The following ADCYAP1R1 variants were observed in gnomAD, a reference collection of about 807,000 sequenced individuals.
ADCYAP1R1 encodes the protein pituitary adenylate cyclase-activating polypeptide type I receptor.
A neutral mutation model predicts 67.6 loss-of-function variants in ADCYAP1R1; 44 were observed. The observed-to-expected ratio is 0.65, with a 90% CI of 0.51 to 0.84. The LOEUF (loss-of-function observed/expected upper bound fraction) is 0.84, where lower values mean the gene tolerates loss of function less well. Ranked by LOEUF, ADCYAP1R1 falls within the 40% of genes least tolerant of loss-of-function variation. The probability of loss-of-function intolerance (pLI) is 0.00; values close to 1 mark genes in which losing one functional copy is unlikely to be tolerated. For missense variants in ADCYAP1R1, 477 were observed against 587.9 expected (o/e 0.81, Z 1.95); for synonymous variants, 222 against 219.6 (o/e 1.01, Z -0.10).
chr7:31,100,708 A>G (rs904669528), intron 13 of ADCYAP1R1, among the ~76,000 whole-genome samples: 2 of 152,152 alleles, frequency 1.3e-5, no homozygotes, highest in Non-Finnish European at 2.9e-5. Context: ...CCATTTTACA[A>G]ATGAGAAAAC....
At chr7:31,065,447 G>A (rs968275702) in intron 3 of ADCYAP1R1, among the ~76,000 whole-genome samples, 1 of 152,160 alleles carries the variant, frequency 6.6e-6, no homozygotes, top group Non-Finnish European at 1.5e-5. Context: ...CCTTTGAGGA[G>A]GGTCCTGCTT....
chr7:31,069,840 T>C (rs1794900940), intron 3 of ADCYAP1R1, among the ~76,000 whole-genome samples: 2 of 152,188 alleles, frequency 1.3e-5, no homozygotes, highest in Admixed American at 6.5e-5. Flanking sequence ...GAAAGCAAGC[T>C]TGGAGCCTGC....
At chr7:31,098,243 A>G (rs1796287206) in intron 13 of ADCYAP1R1, among the ~76,000 whole-genome samples, 2 of 152,226 alleles carry the variant, frequency 1.3e-5, no homozygotes, top group Admixed American at 1.3e-4. Flanking sequence ...AATAAATTTG[A>G]AGAATAGAAT....
intron 1 of ADCYAP1R1, among the ~76,000 whole-genome samples, chr7:31,053,079 G>A (rs907503936): frequency 6.6e-6 from 1 of 152,172 alleles, no homozygotes; most frequent in African/African-American, 2.4e-5. Context: ...CCTACCCTTA[G>A]GTGGACGGAC....
At chr7:31,078,126 AC>A in intron 4 of ADCYAP1R1, 28 bp downstream of exon 4, 1 of 1,572,484 alleles carries the variant, frequency 6.4e-7, no homozygotes, top group Non-Finnish European at 8.6e-7. Context: ...TCTTTAGGCC[AC>A]GCTGGCCTAG....
chr7:31,108,000 T>G lies in ADCYAP1R1; in HGVS notation c.*1316T>G, dbSNP rs1330139584. 1 of 152,274 alleles carries G rather than the reference T, an allele frequency of 6.6e-6. No homozygotes were observed. The highest frequency in any genetic ancestry group is 1.5e-5 in the Non-Finnish European group (1 of 68,082). The allele number at this position is 152,274 out of a possible 1,614,324, so 9.4% of individuals were successfully genotyped here. A position where few individuals can be genotyped will look rare whatever the true frequency, so the allele number is the denominator to read the frequency against. ...AGCCTGAGAATGTAAAATAGGGCAG[T>G]GCCCAGCTGGGGAGGTAGAGGAAAG... is the stretch of plus-strand genomic sequence containing the variant. On this transcript the variant is annotated 3_prime_UTR_variant, in exon 16 of 16. Coordinates refer to ENST00000304166, the MANE Select transcript of ADCYAP1R1 (RefSeq NM_001118.5).
intron 5 of ADCYAP1R1, 101 bp downstream of exon 5, chr7:31,080,734 G>A: frequency 7.8e-7 from 1 of 1,283,952 alleles, no homozygotes; most frequent in Non-Finnish European, 1.1e-6. Flanking sequence ...GATTGGGGTG[G>A]GGGTGGAGTA....
Position 31,103,255 on chromosome 7 carries a change from C to A in ADCYAP1R1, c.1065C>A (p.Thr355=). Residue 355 remains threonine, a synonymous_variant, in exon 14 of 16, where the codon ACC becomes ACA. Transcript: ENST00000304166. The part of the protein sequence containing the change: ...SSIYLRLARS[T]LLLIPLFGIH... ...CCGACAGGCGACTGGCCCGGTCCAC[C>A]CTGCTGCTCATCCCACTATTCGGAA... 1 of 1,614,080 alleles carries A rather than the reference C, an allele frequency of 6.2e-7. No homozygotes were observed. Among genetic ancestry groups the A allele is most frequent in the African/African-American group, 1.3e-5 (1 of 75,040 alleles).
intron 3 of ADCYAP1R1, among the ~76,000 whole-genome samples, chr7:31,065,611 C>A (rs1562630120): frequency 6.6e-6 from 1 of 152,200 alleles, no homozygotes; most frequent in South Asian, 2.1e-4. Flanking sequence ...TGGTAAGAAC[C>A]AGTGGCCCCA....
chr7:31,102,818 G>A lies in ADCYAP1R1; in HGVS notation c.1047-419G>A, dbSNP rs1023351140. On this transcript the variant is annotated intron_variant, in intron 13 of 15. Transcript: ENST00000304166. The surrounding 1 kb of genome is among the most constrained non-coding windows in gnomAD (Gnocchi z 4.3). ...AAGCCAACTGTCTCTGTGGCCCATCGAGGGCTGCTTCTTTCAGGCACAAAG... is the reference window on the plus strand; with the variant it reads ...AAGCCAACTGTCTCTGTGGCCCATCAAGGGCTGCTTCTTTCAGGCACAAAG... 1.6e-4 allele frequency among the ~76,000 whole-genome samples: 25 copies of A among 152,094 alleles called. No homozygotes were observed. Among genetic ancestry groups the A allele is most frequent in the Non-Finnish European group, 2.9e-4 (20 of 68,030 alleles).
intron 5 of ADCYAP1R1, among the ~76,000 whole-genome samples, chr7:31,081,282 A>G (rs1380348175): frequency 2.0e-5 from 3 of 152,134 alleles, no homozygotes; most frequent in Admixed American, 6.5e-5. Flanking sequence ...TTTGACGGAG[A>G]GCAGTTTTGG....
chr7:31,092,593 C>A, intron 12 of ADCYAP1R1, 51 bp from the exon 13 acceptor site: 1 of 1,434,568 alleles, frequency 7.0e-7, no homozygotes, highest in Non-Finnish European at 9.7e-7. Context: ...GAAATAATAG[C>A]ATCTTTGCCC....
rs749218980 is a variant in ADCYAP1R1, at chr7:31,085,441, C to T, written c.668C>T (p.Thr223Ile). The T allele has an allele frequency of 6.2e-7, 1 of 1,612,408 alleles. No homozygotes were observed. The stretch of plus-strand genomic sequence containing the variant: ...GACAGCAACCACTGCTTCATCTCCA[C>T]TGTGAGTGAGCCAAGCAGACCCATT... ...EQDSNHCFIS[T>I]VECKAVMVFF... The change falls in exon 9 of 16, where the codon ACT becomes ATT. Residue 223 changes from threonine (T) to isoleucine (I), a missense_variant and splice_region_variant. Coordinates refer to ENST00000304166, the MANE Select transcript of ADCYAP1R1 (RefSeq NM_001118.5).
chr7:31,053,004 C>A (rs1794083802), intron 1 of ADCYAP1R1, among the ~76,000 whole-genome samples: 1 of 152,190 alleles, frequency 6.6e-6, no homozygotes, highest in Non-Finnish European at 1.5e-5. Context: ...CCTCCTGATG[C>A]GGAGAAGGGA....
rs1206217619 is a variant in ADCYAP1R1, at chr7:31,076,827, G to T, written c.158-1164G>T. On this transcript the variant is annotated intron_variant, in intron 3 of 15. Transcript: ENST00000304166. Reference sequence around the variant, plus strand: ...GGGCGGATGGGGGGCCCTGCTGAGGGGGTGGATCTGAAGTGGGACCCTCAG... The same window carrying T: ...GGGCGGATGGGGGGCCCTGCTGAGGTGGTGGATCTGAAGTGGGACCCTCAG... Among the ~76,000 whole-genome samples, 5 of 152,142 alleles carry T rather than the reference G, an allele frequency of 3.3e-5. No homozygotes were observed. In the South Asian group the frequency reaches 8.3e-4, roughly 25 times the overall value.
intron 2 of ADCYAP1R1, among the ~76,000 whole-genome samples, chr7:31,064,232 G>A (rs766907001): frequency 1.3e-5 from 2 of 152,118 alleles, no homozygotes; most frequent in Admixed American, 6.5e-5. Flanking sequence ...TGCAGCTGCC[G>A]GGGGCACTTT....
intron 1 of ADCYAP1R1, among the ~76,000 whole-genome samples, chr7:31,054,294 T>C (rs1794152666): frequency 6.6e-6 from 1 of 152,124 alleles, no homozygotes; most frequent in African/African-American, 2.4e-5. Context: ...AAAAGTCTGT[T>C]TGTCCCCATG....
At chr7:31,059,736 G>A (rs1455879779) in intron 1 of ADCYAP1R1, among the ~76,000 whole-genome samples, 2 of 152,258 alleles carry the variant, frequency 1.3e-5, no homozygotes, top group African/African-American at 2.4e-5. Context: ...AGCTCTGAGC[G>A]TTGTCCAGTT....
At chr7:31,092,057 T>G (rs1417671109) in intron 12 of ADCYAP1R1, among the ~76,000 whole-genome samples, 1 of 150,206 alleles carries the variant, frequency 6.7e-6, no homozygotes, top group African/African-American at 2.5e-5. Flanking sequence ...GACATTGATG[T>G]GTAGTCCTGT....
Sources: gnomAD v4.1 joint callset for allele counts (sites outside exome capture counted in the v4.1 genomes callset) on GRCh38, gnomAD v4.1.1 for gene constraint, Gnocchi (gnomAD v3.1) non-coding constraint, MANE v1.5 for transcripts, NCBI Gene and HGNC (gene_info 2026-07-23, HGNC 2026-07-21) for gene names.